Variants in ADAMTS17 observed in about 807,000 individuals in gnomAD.
ADAMTS17 encodes the protein ADAM metallopeptidase with thrombospondin type 1 motif 17, also known as A disintegrin and metalloproteinase with thrombospondin motifs 17.
Under a neutral mutation model 141.5 loss-of-function variants are expected in ADAMTS17, and 113 were observed. That is an observed-to-expected ratio of 0.80 (90% CI 0.69 to 0.93). ADAMTS17 has a LOEUF of 0.93. ADAMTS17 is among the 40% of genes least tolerant of loss of function. The probability of loss-of-function intolerance (pLI) is 0.00; values close to 1 mark genes in which losing one functional copy is unlikely to be tolerated. For synonymous variants in ADAMTS17, 768 were observed against 630.6 expected, an observed-to-expected ratio of 1.22 and a Z score of -3.27; for missense variants, 1,659 against 1,517.9, an observed-to-expected ratio of 1.09 and a Z score of -1.54.
intron 7 of ADAMTS17, among the ~76,000 whole-genome samples, chr15:100,208,580 C>G (rs949681518): frequency 2.6e-5 from 4 of 152,186 alleles, no homozygotes; most frequent in African/African-American, 9.7e-5. Flanking sequence ...AGAGGCCCTG[C>G]CCGGGGGCTG....
intron 18 of ADAMTS17, among the ~76,000 whole-genome samples, chr15:100,007,447 T>A (rs2061058621): frequency 6.7e-6 from 1 of 150,040 alleles, no homozygotes; most frequent in South Asian, 2.1e-4. Context: ...GGAGATGGAG[T>A]TTCGCTGTTG....
At chr15:100,005,936 G>A (rs2061028729) in intron 18 of ADAMTS17, among the ~76,000 whole-genome samples, 1 of 151,954 alleles carries the variant, frequency 6.6e-6, no homozygotes, top group African/African-American at 2.4e-5. Flanking sequence ...TCCCTGGCAT[G>A]CAGAAGCATC....
At chr15:100,265,133 A>C (rs1465751657) in intron 4 of ADAMTS17, among the ~76,000 whole-genome samples, 3 of 152,202 alleles carry the variant, frequency 2.0e-5, no homozygotes, top group Non-Finnish European at 4.4e-5. Context: ...CAGCTCAAGC[A>C]CTTTGTCACC....
At chr15:100,250,771 T>C (rs1052468931) in intron 7 of ADAMTS17, among the ~76,000 whole-genome samples, 1 of 152,220 alleles carries the variant, frequency 6.6e-6, no homozygotes, top group Non-Finnish European at 1.5e-5. Context: ...GTCCATTTCC[T>C]GGTTCTGAGA....
chr15:100,116,345 T>G (rs372465703), intron 13 of ADAMTS17, among the ~76,000 whole-genome samples: 1 of 152,200 alleles, frequency 6.6e-6, no homozygotes, highest in African/African-American at 2.4e-5. Flanking sequence ...ATGGGACCTG[T>G]GCTTATTATC....
chr15:100,140,470 G>GAC (rs927825351), intron 10 of ADAMTS17, among the ~76,000 whole-genome samples: 1 of 94,088 alleles, frequency 1.1e-5, no homozygotes, highest in African/African-American at 3.6e-5. Context: ...CACACACACA[G>GAC]ACACACACAC....
chr15:100,245,731 C>T (rs746378308), intron 7 of ADAMTS17, among the ~76,000 whole-genome samples: 1 of 152,174 alleles, frequency 6.6e-6, no homozygotes, highest in Non-Finnish European at 1.5e-5. Context: ...CCAGGGCAGA[C>T]AGATCTTCTT....
chr15:100,250,898 A>AT (rs1246084373), intron 7 of ADAMTS17, among the ~76,000 whole-genome samples: 1 of 152,202 alleles, frequency 6.6e-6, no homozygotes, highest in Non-Finnish European at 1.5e-5. Context: ...AAATAAAAAT[A>AT]TTTTAAAGTC....
chr15:99,977,560 C>CCTGCCA (rs1232629767), intron 20 of ADAMTS17, among the ~76,000 whole-genome samples: 1 of 150,258 alleles, frequency 6.7e-6, no homozygotes, highest in African/African-American at 2.5e-5. Context: ...ATTATAGGCA[C>CCTGCCA]CTGCCACCAC....
intron 8 of ADAMTS17, among the ~76,000 whole-genome samples, chr15:100,178,740 T>G (rs559721081): frequency 1.3e-5 from 2 of 152,218 alleles, no homozygotes; most frequent in South Asian, 4.1e-4. Context: ...GTCCGTTTAC[T>G]AGCAACAAAT....
chr15:100,100,858 C>T (rs777292173), intron 14 of ADAMTS17, among the ~76,000 whole-genome samples: 2 of 152,192 alleles, frequency 1.3e-5, no homozygotes, highest in African/African-American at 2.4e-5. Flanking sequence ...TCCAGCTGCT[C>T]ACCAACTCAG....
intron 12 of ADAMTS17, among the ~76,000 whole-genome samples, chr15:100,117,322 T>C (rs918882520): frequency 2.0e-5 from 3 of 152,080 alleles, no homozygotes; most frequent in African/African-American, 7.2e-5. Context: ...AATTTGGCCA[T>C]GGGTAACACT....
intron 3 of ADAMTS17, among the ~76,000 whole-genome samples, chr15:100,300,789 T>C (rs2045003430): frequency 6.6e-6 from 1 of 152,256 alleles, no homozygotes; most frequent in Non-Finnish European, 1.5e-5. Flanking sequence ...CTCTGGAACA[T>C]GCTGCAGCTC....
At chr15:100,285,210 T>C (rs1307275397) in intron 3 of ADAMTS17, among the ~76,000 whole-genome samples, 1 of 152,226 alleles carries the variant, frequency 6.6e-6, no homozygotes, top group African/African-American at 2.4e-5. Context: ...TTATGTAAGA[T>C]ACCTCAAATC....
At chr15:99,977,349 CAT>C (rs71151927) in intron 20 of ADAMTS17, among the ~76,000 whole-genome samples, 45 of 30,330 alleles carry the variant, frequency 1.5e-3, no homozygotes, top group Non-Finnish European at 1.9e-3. Context: ...CCCTCCTCTT[CAT>C]ATATATATAT....
In ADAMTS17 at chr15:100,021,879, T is replaced by C. The variant is rs533222664; in HGVS notation, c.2592-24290A>G. Among the ~76,000 whole-genome samples the C allele has an allele frequency of 4.5e-3, 683 of 152,030 alleles. 7 individuals are homozygous for C. The highest frequency in any genetic ancestry group is 0.016 in the African/African-American group (647 of 41,474). The stretch of plus-strand genomic sequence containing the variant: ...CCTCTGCCTGCACGCCCTCCTCATT[T>C]CTCGGTTGGCCAATGTCAAGCGCCT... On this transcript the variant is annotated intron_variant, in intron 18 of 21. Coordinates refer to ENST00000268070, the MANE Select transcript of ADAMTS17 (RefSeq NM_139057.4).
At chr15:100,230,618 C>T (rs983959805) in intron 7 of ADAMTS17, among the ~76,000 whole-genome samples, 1 of 152,176 alleles carries the variant, frequency 6.6e-6, no homozygotes, top group Admixed American at 6.5e-5. Flanking sequence ...CAGGCCTGAC[C>T]ACTGGGTTGA....
intron 18 of ADAMTS17, among the ~76,000 whole-genome samples, chr15:100,029,629 G>A (rs1228334187): frequency 6.6e-6 from 1 of 152,158 alleles, no homozygotes; most frequent in Non-Finnish European, 1.5e-5. Flanking sequence ...TCTCCCCTCA[G>A]TGGCCTGGGC....
At position 100,133,314 on chromosome 15, in the gene ADAMTS17, T is replaced by C. The variant is rs1269686747; in HGVS notation, c.1475A>G (p.His492Arg). The part of the protein sequence containing the change: ...MNATFCRNME[H>R]LMCAGLWCLV... Reference sequence around the variant, plus strand: ...GCACCACAGTCCAGCACACATTAGATGCTGCAGGACAAGGGAAGGAACCAT... The same window carrying C: ...GCACCACAGTCCAGCACACATTAGACGCTGCAGGACAAGGGAAGGAACCAT... The change falls in exon 11 of 22, where the codon CAT becomes CGT. Residue 492 changes from histidine (H) to arginine (R), a missense_variant and splice_region_variant. Transcript: ENST00000268070. The C allele has an allele frequency of 1.9e-6, 3 of 1,580,898 alleles. No individual in the cohort carries two copies. The highest frequency in any genetic ancestry group is 2.7e-5 in the African/African-American group (2 of 74,574).
Sources: gnomAD v4.1 joint callset for allele counts (sites outside exome capture counted in the v4.1 genomes callset) on GRCh38, gnomAD v4.1.1 for gene constraint, MANE v1.5 for transcripts, NCBI Gene and HGNC (gene_info 2026-07-23, HGNC 2026-07-21) for gene names.